Variants in NECAB1 observed in about 807,000 individuals in gnomAD.
The protein encoded by NECAB1 is N-terminal EF-hand calcium-binding protein 1.
A neutral mutation model predicts 57.5 loss-of-function variants in NECAB1; 29 were observed. That is an observed-to-expected ratio of 0.50 (90% CI 0.38 to 0.69). The LOEUF is 0.69. Ranked by LOEUF, NECAB1 falls within the 30% of genes least tolerant of loss-of-function variation. The pLI is 0.00. For missense variants in NECAB1, 372 were observed against 413.8 expected, an observed-to-expected ratio of 0.90 and a Z score of 0.88; for synonymous variants, 142 against 147.7, an observed-to-expected ratio of 0.96 and a Z score of 0.28.
intron 3 of NECAB1, chr8:90,859,318 C>T (rs997392834): frequency 3.3e-5 from 5 of 152,122 alleles, no homozygotes; most frequent in Admixed American, 6.6e-5. Context: ...CTCACTGTAT[C>T]GAAAGCTATC....
intron 2 of NECAB1, among the ~76,000 whole-genome samples, chr8:90,810,433 C>T (rs1811938792): frequency 6.6e-6 from 1 of 152,148 alleles, no homozygotes; most frequent in Non-Finnish European, 1.5e-5. Flanking sequence ...AATACATTTA[C>T]TTTAGTATAC....
intron 3 of NECAB1, among the ~76,000 whole-genome samples, chr8:90,841,940 A>G (rs1563502038): frequency 6.6e-6 from 1 of 152,202 alleles, no homozygotes; most frequent in Admixed American, 6.5e-5. Flanking sequence ...CAGGAACAGA[A>G]AACCAAATAC....
At chr8:90,955,129 T>TGG (rs1811006744) in intron 12 of NECAB1, among the ~76,000 whole-genome samples, 1 of 132,430 alleles carries the variant, frequency 7.6e-6, no homozygotes, top group Admixed American at 7.5e-5. Flanking sequence ...TATATATATA[T>TGG]ATATATATAT....
intron 12 of NECAB1, among the ~76,000 whole-genome samples, chr8:90,952,360 T>G (rs1350927322): frequency 6.6e-6 from 1 of 152,090 alleles, no homozygotes; most frequent in African/African-American, 2.4e-5. Context: ...GAACAAAATA[T>G]CTAAGAGAAG....
intron 5 of NECAB1, among the ~76,000 whole-genome samples, chr8:90,899,293 T>C (rs985217891): frequency 6.6e-6 from 1 of 152,084 alleles, no homozygotes; most frequent in Non-Finnish European, 1.5e-5. Flanking sequence ...TGTGGTCCCT[T>C]GGTGACTGCC....
intron 5 of NECAB1, among the ~76,000 whole-genome samples, chr8:90,906,876 C>CATATATATAT (rs57808023): frequency 1.7e-3 from 209 of 121,716 alleles, no homozygotes; most frequent in South Asian, 4.3e-3. Context: ...ATGATATACA[C>CATATATATAT]ATATATATAT....
At chr8:90,943,264 A>C (rs1363924892) in intron 10 of NECAB1, among the ~76,000 whole-genome samples, 1 of 152,206 alleles carries the variant, frequency 6.6e-6, no homozygotes, top group Non-Finnish European at 1.5e-5. Flanking sequence ...AGGAAAGGAG[A>C]GCATCTTTTT....
chr8:90,918,700 A>G (rs139471205), intron 6 of NECAB1, among the ~76,000 whole-genome samples: 1,844 of 152,246 alleles, frequency 0.012, 51 homozygotes, highest in Admixed American at 0.056. Flanking sequence ...GAGTCTCTCT[A>G]GAGGGATCCG....
chr8:90,802,096 G>A (rs1201473384), intron 2 of NECAB1, among the ~76,000 whole-genome samples: 1 of 152,224 alleles, frequency 6.6e-6, no homozygotes, highest in East Asian at 1.9e-4. Context: ...ATACAAAGCT[G>A]AGACTGGACC....
intron 3 of NECAB1, among the ~76,000 whole-genome samples, chr8:90,826,248 T>A (rs543041816): frequency 1.8e-4 from 28 of 151,964 alleles, no homozygotes; most frequent in Non-Finnish European, 2.4e-4. Context: ...GAAAGATGAA[T>A]CTGGAGAGGA....
In NECAB1 at chr8:90,925,635, C is replaced by T; in HGVS notation, c.595C>T (p.Gln199Ter). ...CAACAGCTTCTCCCCAAACAGCCCT[C>T]AGTTTAATGTCAGCGGTCCAGGTAA... ...RHNSFSPNSP[Q>*]FNVSGPGLLE... is the part of the protein sequence containing the mutation. The change falls in exon 7 of 13, where the codon CAG (glutamine) becomes TAG (stop). Residue 199 changes from glutamine (Q) to a stop codon, truncating the protein, a stop_gained. Coordinates refer to ENST00000417640, the MANE Select transcript of NECAB1 (RefSeq NM_022351.5). LOFTEE classifies it high-confidence loss of function. 6.2e-7 allele frequency: 1 copy of T among 1,613,842 alleles called. No homozygotes were observed. Among genetic ancestry groups the T allele is most frequent in the South Asian group, 1.1e-5 (1 of 91,056 alleles).
chr8:90,932,465 A>C (rs905524359), intron 8 of NECAB1, among the ~76,000 whole-genome samples: 44 of 152,220 alleles, frequency 2.9e-4, no homozygotes, highest in African/African-American at 1.0e-3. Flanking sequence ...GGAAAGTGCT[A>C]TAAAGAAAAA....
chr8:90,887,401 CA>C (rs1038555548), intron 5 of NECAB1, among the ~76,000 whole-genome samples: 11 of 152,126 alleles, frequency 7.2e-5, no homozygotes, highest in African/African-American at 2.2e-4. Flanking sequence ...TCCACAAAAC[CA>C]AACATAGTTT....
intron 4 of NECAB1, among the ~76,000 whole-genome samples, chr8:90,877,033 A>G (rs1164071365): frequency 6.6e-6 from 1 of 152,224 alleles, no homozygotes; most frequent in Non-Finnish European, 1.5e-5. Flanking sequence ...GACAATATAC[A>G]TTTGCCCTAC....
At chr8:90,893,177 A>G (rs924097734) in intron 5 of NECAB1, among the ~76,000 whole-genome samples, 20 of 151,982 alleles carry the variant, frequency 1.3e-4, no homozygotes, top group Middle Eastern at 6.8e-3. Flanking sequence ...TGGTGATACT[A>G]CGGGACTTAG....
chr8:90,864,061 G>A (rs1201595625), intron 3 of NECAB1, among the ~76,000 whole-genome samples: 2 of 151,998 alleles, frequency 1.3e-5, no homozygotes, highest in Admixed American at 6.6e-5. Flanking sequence ...GTTTAGAAAC[G>A]TTTATAGCAA....
At chr8:90,886,290 ATT>A (rs997991249) in intron 5 of NECAB1, among the ~76,000 whole-genome samples, 1 of 148,682 alleles carries the variant, frequency 6.7e-6, no homozygotes. Context: ...AGTCCTACTG[ATT>A]TTTTTTTTTC....
intron 6 of NECAB1, among the ~76,000 whole-genome samples, chr8:90,924,327 GA>G (rs1403615793): frequency 6.6e-6 from 1 of 152,058 alleles, no homozygotes; most frequent in Non-Finnish European, 1.5e-5. Context: ...GCAATTAGGG[GA>G]TATTTTCCAC....
intron 5 of NECAB1, among the ~76,000 whole-genome samples, chr8:90,901,376 A>C (rs1586104670): frequency 6.6e-6 from 1 of 152,254 alleles, no homozygotes; most frequent in East Asian, 1.9e-4. Flanking sequence ...CCTCAAGGGC[A>C]CAGTTTTATA....
Sources: gnomAD v4.1 joint callset for allele counts (sites outside exome capture counted in the v4.1 genomes callset) on GRCh38, gnomAD v4.1.1 for gene constraint, MANE v1.5 for transcripts, NCBI Gene and HGNC (gene_info 2026-07-23, HGNC 2026-07-21) for gene names.